Variants in DPYD observed in about 807,000 individuals in gnomAD.
The protein encoded by DPYD is dihydropyrimidine dehydrogenase.
Under a neutral mutation model 116.2 loss-of-function variants are expected in DPYD, and 109 were observed. The ratio of observed to expected loss-of-function variants is 0.94; its 90% confidence interval spans 0.80 to 1.10. The LOEUF (loss-of-function observed/expected upper bound fraction) is 1.10. DPYD is among the 50% of genes least tolerant of loss of function. The pLI is 0.00. For missense variants in DPYD, 1,302 were observed against 1,254.5 expected (o/e 1.04, Z -0.57); for synonymous variants, 440 against 432.0 (o/e 1.02, Z -0.23).
At chr1:97,597,444 T>A (rs772822303) in intron 8 of DPYD, among the ~76,000 whole-genome samples, 17 of 152,204 alleles carry the variant, frequency 1.1e-4, no homozygotes, top group Non-Finnish European at 2.4e-4. Context: ...CCTTCCTCTC[T>A]CATTTACCAG....
chr1:97,505,272 TACA>T (rs1382517801), intron 13 of DPYD, among the ~76,000 whole-genome samples: 3 of 151,946 alleles, frequency 2.0e-5, no homozygotes, highest in Admixed American at 6.6e-5. Flanking sequence ...TCCCTGTTTA[TACA>T]ACAACATTTA....
chr1:97,165,217 G>C (rs1402183165), intron 20 of DPYD, among the ~76,000 whole-genome samples: 2 of 151,988 alleles, frequency 1.3e-5, no homozygotes, highest in East Asian at 3.9e-4. Context: ...GCATGGTACT[G>C]GTACAAAAAC....
chr1:97,722,114 G>A (rs1043166821), intron 4 of DPYD, among the ~76,000 whole-genome samples: 1 of 151,528 alleles, frequency 6.6e-6, no homozygotes, highest in African/African-American at 2.4e-5. Context: ...ATTAAAAGCA[G>A]CCAGAGCTTT....
At chr1:97,562,165 G>A (rs1652197668) in intron 11 of DPYD, among the ~76,000 whole-genome samples, 1 of 152,194 alleles carries the variant, frequency 6.6e-6, no homozygotes, top group Non-Finnish European at 1.5e-5. Flanking sequence ...TAGGAGGGCA[G>A]ATTAGTAGGA....
At chr1:97,521,695 T>C (rs1648681339) in intron 12 of DPYD, among the ~76,000 whole-genome samples, 1 of 152,172 alleles carries the variant, frequency 6.6e-6, no homozygotes, top group Admixed American at 6.5e-5. Context: ...AGCATGGTAC[T>C]GGTACCAAAA....
chr1:97,649,089 C>T (rs1658431851), intron 8 of DPYD, among the ~76,000 whole-genome samples: 1 of 152,058 alleles, frequency 6.6e-6, no homozygotes, highest in African/African-American at 2.4e-5. Flanking sequence ...TAATATTTAA[C>T]ATCTAAGCAA....
intron 12 of DPYD, among the ~76,000 whole-genome samples, chr1:97,531,241 G>C (rs2786518): frequency 0.4 from 61,557 of 152,028 alleles, 13,074 homozygotes; most frequent in African/African-American, 0.54. Flanking sequence ...AGGAGTTTTA[G>C]AGTTGCAGGT....
At chr1:97,858,175 A>G (rs758310771) in intron 2 of DPYD, among the ~76,000 whole-genome samples, 14 of 152,150 alleles carry the variant, frequency 9.2e-5, no homozygotes, top group Non-Finnish European at 2.1e-4. Context: ...GTGATTATAC[A>G]GTGGCTCAAA....
intron 16 of DPYD, among the ~76,000 whole-genome samples, chr1:97,323,280 G>A (rs537456889): frequency 5.6e-5 from 8 of 142,668 alleles, no homozygotes; most frequent in African/African-American, 2.1e-4. Context: ...ATATGTACAC[G>A]TATATATACA....
intron 1 of DPYD, among the ~76,000 whole-genome samples, chr1:97,905,384 A>G (rs2101694142): frequency 6.6e-6 from 1 of 152,186 alleles, no homozygotes; most frequent in Non-Finnish European, 1.5e-5. Context: ...AGAAATAAAA[A>G]GAAAAATGTC....
At chr1:97,586,461 CATACATATATATATATATAT>C (rs1182669494) in intron 10 of DPYD, among the ~76,000 whole-genome samples, 1 of 46,590 alleles carries the variant, frequency 2.1e-5, no homozygotes, top group Non-Finnish European at 4.2e-5. Flanking sequence ...AAAATACATA[CATACATATATATATATATAT>C]ATATATATAT....
rs59336649 is a variant in DPYD at position 97,893,429 on chromosome 1, CATATAT to C, written c.40-10061_40-10056del. Among the ~76,000 whole-genome samples, 365 of 71,904 alleles carry C rather than the reference CATATAT, an allele frequency of 5.1e-3. 14 individuals carry two copies. Among genetic ancestry groups the C allele is most frequent in the African/African-American group, 0.017 (303 of 17,496 alleles). The allele number at this position is 71,904 out of a possible 152,430, so 47.2% of individuals were successfully genotyped here. On this transcript the variant is annotated intron_variant, in intron 1 of 22. Transcript: ENST00000370192. Reference sequence around the variant, plus strand: ...CAAAAACAGATTTTAATATCCATCGCATATATATATATATATATATATATATATATA... The same window carrying C: ...CAAAAACAGATTTTAATATCCATCGCATATATATATATATATATATATATA...
intron 8 of DPYD, among the ~76,000 whole-genome samples, chr1:97,600,525 C>G (rs989737384): frequency 2.6e-5 from 4 of 152,100 alleles, no homozygotes; most frequent in African/African-American, 9.7e-5. Context: ...AAACAGTATA[C>G]TGGATAGGAC....
intron 4 of DPYD, among the ~76,000 whole-genome samples, chr1:97,736,453 C>T (rs746134019): frequency 2.7e-5 from 4 of 150,698 alleles, no homozygotes; most frequent in Admixed American, 2.0e-4. Flanking sequence ...CCAAGTAGAA[C>T]GGCTTCCACA....
intron 14 of DPYD, among the ~76,000 whole-genome samples, chr1:97,436,738 A>G (rs1219758861): frequency 1.3e-5 from 2 of 152,008 alleles, no homozygotes; most frequent in African/African-American, 4.8e-5. Context: ...TATTTCTTTC[A>G]TTTCTTAATA....
intron 12 of DPYD, among the ~76,000 whole-genome samples, chr1:97,519,604 G>A (rs1648489973): frequency 1.3e-5 from 2 of 152,088 alleles, no homozygotes. Flanking sequence ...GTATTATTAT[G>A]TAGAGCTAGA....
chr1:97,523,995 T>C (rs1482605077), intron 12 of DPYD, among the ~76,000 whole-genome samples: 1 of 152,116 alleles, frequency 6.6e-6, no homozygotes, highest in Non-Finnish European at 1.5e-5. Context: ...TTATCACAAT[T>C]TAACCATGAA....
At chr1:97,894,816 T>G (rs535047001) in intron 1 of DPYD, among the ~76,000 whole-genome samples, 1 of 151,798 alleles carries the variant, frequency 6.6e-6, no homozygotes, top group African/African-American at 2.4e-5. Context: ...TAAAATTTCA[T>G]TACTTTAATT....
chr1:97,765,091 G>GA (rs1215377641), intron 3 of DPYD, among the ~76,000 whole-genome samples: 1 of 151,938 alleles, frequency 6.6e-6, no homozygotes, highest in East Asian at 1.9e-4. Context: ...ACATTAAGAG[G>GA]ACCAACTCTT....
Sources: gnomAD v4.1 joint callset for allele counts (sites outside exome capture counted in the v4.1 genomes callset) on GRCh38, gnomAD v4.1.1 for gene constraint, MANE v1.5 for transcripts, NCBI Gene and HGNC (gene_info 2026-07-23, HGNC 2026-07-21) for gene names.